Variants in DPP6 observed in about 807,000 individuals in gnomAD.
The protein encoded by DPP6 is dipeptidyl peptidase like 6.
In DPP6, 69 loss-of-function variants were observed where a neutral mutation model predicts 122.6. The ratio of observed to expected loss-of-function variants is 0.56; its 90% CI spans 0.46 to 0.69. The LOEUF (loss-of-function observed/expected upper bound fraction) is 0.69, where lower values mean the gene tolerates loss of function less well. Ranked by LOEUF, DPP6 falls within the 30% of genes least tolerant of loss-of-function variation. The probability of loss-of-function intolerance (pLI) is 0.00; values close to 1 mark genes in which losing one functional copy is unlikely to be tolerated. For missense variants in DPP6, 928 were observed against 1,116.9 expected, an observed-to-expected ratio of 0.83 and a Z score of 2.41; for synonymous variants, 418 against 433.1, an observed-to-expected ratio of 0.97 and a Z score of 0.43.
chr7:154,376,197 G>A (rs570169484), intron 1 of DPP6, among the ~76,000 whole-genome samples: 1 of 152,322 alleles, frequency 6.6e-6, no homozygotes, highest in African/African-American at 2.4e-5. Context: ...AAGGGCTGCT[G>A]GGCTGAGGAC....
At chr7:153,815,556 C>G in the DPP6 span, among the ~76,000 whole-genome samples, 1 of 149,856 alleles carries the variant, frequency 6.7e-6, no homozygotes, top group Non-Finnish European at 1.5e-5. Context: ...GTGTGGCGTT[C>G]CCCTTCCTGT....
At chr7:153,893,531 C>T (rs542317440) in intron 1 of DPP6, among the ~76,000 whole-genome samples, 10 of 152,182 alleles carry the variant, frequency 6.6e-5, no homozygotes, top group East Asian at 1.9e-4. Flanking sequence ...TTTAGTTGAA[C>T]GTTTAAGAAC....
intron 4 of DPP6, among the ~76,000 whole-genome samples, chr7:154,551,434 A>G (rs1829628240): frequency 1.3e-5 from 2 of 152,278 alleles, no homozygotes; most frequent in African/African-American, 2.4e-5. Context: ...ATTAGACCTG[A>G]GGGCCTAACT....
At chr7:153,911,765 TTATATTACTATC>T (rs1484942618) in intron 1 of DPP6, among the ~76,000 whole-genome samples, 6 of 152,210 alleles carry the variant, frequency 3.9e-5, no homozygotes, top group African/African-American at 1.4e-4. Context: ...ACATATAGTG[TTATATTACTATC>T]ACCAATTCAG....
chr7:154,272,527 A>G (rs928010649), intron 1 of DPP6, among the ~76,000 whole-genome samples: 1 of 152,186 alleles, frequency 6.6e-6, no homozygotes, highest in African/African-American at 2.4e-5. Context: ...ACTTGGGCAA[A>G]TTTTCCTTTT....
At chr7:154,694,457 C>T (rs1759183289) in intron 7 of DPP6, among the ~76,000 whole-genome samples, 1 of 152,114 alleles carries the variant, frequency 6.6e-6, no homozygotes, top group Non-Finnish European at 1.5e-5. Context: ...ACTAAAAATA[C>T]AAAAATTAGC....
chr7:154,651,859 G>A (rs1339721754), intron 6 of DPP6, among the ~76,000 whole-genome samples: 1 of 152,098 alleles, frequency 6.6e-6, no homozygotes, highest in Non-Finnish European at 1.5e-5. Flanking sequence ...ATGCTGGGCG[G>A]TTTTCTCCAA....
At chr7:154,129,151 G>A (rs3115119) in intron 1 of DPP6, among the ~76,000 whole-genome samples, 3,731 of 151,368 alleles carry the variant, frequency 0.025, 45 homozygotes, top group Middle Eastern at 0.034. Flanking sequence ...AGGTCATCCC[G>A]TCCTGGAAAT....
At chr7:154,656,219 G>A (rs1466589809) in intron 6 of DPP6, among the ~76,000 whole-genome samples, 1 of 96,344 alleles carries the variant, frequency 1.0e-5, no homozygotes, top group Non-Finnish European at 2.1e-5. Flanking sequence ...GGTGGGGGGA[G>A]AGCTGGGAGA....
intron 5 of DPP6, among the ~76,000 whole-genome samples, chr7:154,600,045 ATCC>A (rs770234075): frequency 2.0e-5 from 3 of 152,134 alleles, no homozygotes; most frequent in Non-Finnish European, 4.4e-5. Flanking sequence ...AAATAAAGCT[ATCC>A]TCCTGCTCCT....
intron 8 of DPP6, among the ~76,000 whole-genome samples, chr7:154,756,397 TTATGA>T (rs1215370103): frequency 3.9e-5 from 6 of 151,954 alleles, no homozygotes; most frequent in African/African-American, 9.7e-5. Flanking sequence ...AATCAATGTT[TTATGA>T]CACCTGCAGA....
chr7:153,944,663 G>GTTTTTTT lies in DPP6; in HGVS notation c.51+56929_51+56930insTTTTTTT, dbSNP rs769081715. Among the ~76,000 whole-genome samples, 27 of 103,992 alleles carry GTTTTTTT rather than the reference G, an allele frequency of 2.6e-4. 2 individuals are homozygous for GTTTTTTT. Among genetic ancestry groups the GTTTTTTT allele is most frequent in the East Asian group, 5.3e-4 (2 of 3,786 alleles). 68.2% of individuals were successfully genotyped at this position (103,992 alleles called of 152,430 possible). On this transcript the variant is annotated intron_variant, in intron 1 of 25. Transcript: ENST00000404039. ...ACCATCAGTTTCTTATTTTTGTGTG[G>GTTTTTTT]GTTTTTTTTTTTTTTTTTTTTTTGA...
In DPP6 at chr7:154,592,533, T is replaced by A. The variant is rs190288881; in HGVS notation, c.627+25617T>A. Reference sequence around the variant, plus strand: ...TGGAAAGACCGTGCATAAATAGATGTGTTTATCATGTGTCAGGCAGGACAC... The same window carrying A: ...TGGAAAGACCGTGCATAAATAGATGAGTTTATCATGTGTCAGGCAGGACAC... On this transcript the variant is annotated intron_variant, in intron 5 of 25. Coordinates refer to ENST00000377770, the MANE Select transcript of DPP6 (RefSeq NM_130797.4). Among the ~76,000 whole-genome samples the A allele has an allele frequency of 6.0e-4, 91 of 152,242 alleles. 1 individual carries two copies. The East Asian group carries it at 0.017, about 29-fold the overall frequency.
intron 5 of DPP6, among the ~76,000 whole-genome samples, chr7:154,599,304 A>G (rs1241004472): frequency 6.6e-6 from 1 of 152,182 alleles, no homozygotes; most frequent in Non-Finnish European, 1.5e-5. Flanking sequence ...TTTTAAAGTT[A>G]TAAAGTACTC....
rs1178591287 is a variant in DPP6, at chr7:154,819,120, A to C, written c.1666+12008A>C. ...AGTCTTTCATCTGAAATGTCCATTA[A>C]AAATAAATAATGGGCTGGGCATGGT... On this transcript the variant is annotated intron_variant, in intron 16 of 25. Coordinates refer to ENST00000377770, the MANE Select transcript of DPP6 (RefSeq NM_130797.4). 2.0e-5 allele frequency among the ~76,000 whole-genome samples: 3 copies of C among 152,210 alleles called. No individual in the cohort carries two copies. In the South Asian group the frequency reaches 6.2e-4, roughly 32 times the overall value.
At chr7:154,582,209 CA>C (rs1832120479) in intron 5 of DPP6, among the ~76,000 whole-genome samples, 2 of 152,222 alleles carry the variant, frequency 1.3e-5, no homozygotes. Flanking sequence ...GTGATCCTGG[CA>C]AAACCCTGGA....
chr7:154,104,401 A>T (rs1805989952), intron 1 of DPP6, among the ~76,000 whole-genome samples: 2 of 152,256 alleles, frequency 1.3e-5, no homozygotes, highest in African/African-American at 4.8e-5. Flanking sequence ...GGGGAGGACT[A>T]ATGGGCTCTT....
At chr7:154,011,049 C>T (rs1212425962) in intron 1 of DPP6, among the ~76,000 whole-genome samples, 15 of 152,172 alleles carry the variant, frequency 9.9e-5, no homozygotes, top group Non-Finnish European at 2.1e-4. Flanking sequence ...TTGTTGAGTG[C>T]AGGATAACCT....
In DPP6 at chr7:154,810,000, G is replaced by T. The variant is rs187328291; in HGVS notation, c.1666+2888G>T. On this transcript the variant is annotated intron_variant, in intron 16 of 25. Coordinates refer to ENST00000377770, the MANE Select transcript of DPP6 (RefSeq NM_130797.4). ...TTCTCCTGCCTCAGCCTCCCAAGTA[G>T]CTGGGATTACATGGATACATAATTT... 3.3e-3 allele frequency among the ~76,000 whole-genome samples: 501 copies of T among 152,330 alleles called. 6 individuals carry two copies. The highest frequency in any genetic ancestry group is 0.011 in the African/African-American group (466 of 41,570).
Sources: gnomAD v4.1 joint callset for allele counts (sites outside exome capture counted in the v4.1 genomes callset) on GRCh38, gnomAD v4.1.1 for gene constraint, MANE v1.5 for transcripts, NCBI Gene and HGNC (gene_info 2026-07-23, HGNC 2026-07-21) for gene names.